Variants in BTRC observed in about 807,000 individuals in gnomAD.
BTRC encodes the protein F-box/WD repeat-containing protein 1A.
In BTRC, 42 loss-of-function variants were observed where a neutral mutation model predicts 85.5. The observed-to-expected ratio is 0.49, with a 90% CI of 0.38 to 0.64. The LOEUF (loss-of-function observed/expected upper bound fraction) is 0.64. Ranked by LOEUF, BTRC falls within the 30% of genes least tolerant of loss-of-function variation. BTRC has a pLI of 0.00. For missense variants in BTRC, 594 were observed against 743.5 expected (o/e 0.80, Z 2.34); for synonymous variants, 255 against 263.3 (o/e 0.97, Z 0.30).
chr10:101,551,632 A>C (rs1341201965), intron 14 of BTRC, among the ~76,000 whole-genome samples: 1 of 152,232 alleles, frequency 6.6e-6, no homozygotes, highest in Non-Finnish European at 1.5e-5. Flanking sequence ...CGTTGCTGTC[A>C]GGATTTGCCA....
At chr10:101,382,346 A>C (rs79002608) in intron 1 of BTRC, among the ~76,000 whole-genome samples, 3,392 of 152,124 alleles carry the variant, frequency 0.022, 54 homozygotes, top group South Asian at 0.056. Flanking sequence ...TATATATAAT[A>C]TCTCTTTAGT....
intron 1 of BTRC, among the ~76,000 whole-genome samples, chr10:101,421,687 T>C (rs1465572278): frequency 6.9e-6 from 1 of 144,900 alleles, no homozygotes; most frequent in African/African-American, 2.6e-5. Context: ...GTGTTTTCAT[T>C]GTTCAATTCC....
chr10:101,364,378 A>G (rs569287534), intron 1 of BTRC, among the ~76,000 whole-genome samples: 4 of 152,328 alleles, frequency 2.6e-5, no homozygotes, highest in South Asian at 2.1e-4. Flanking sequence ...CTATTCTTCT[A>G]TCTTTGGGAC....
chr10:101,534,555 G>A (rs953256949), intron 9 of BTRC, 106 bp from the exon 10 acceptor site: 4 of 1,424,120 alleles, frequency 2.8e-6, no homozygotes, highest in African/African-American at 1.4e-5. Context: ...CACTCTCCCA[G>A]TCTGGCCCTC....
chr10:101,444,984 A>G (rs1489869719), intron 2 of BTRC, among the ~76,000 whole-genome samples: 1 of 152,218 alleles, frequency 6.6e-6, no homozygotes, highest in Non-Finnish European at 1.5e-5. Flanking sequence ...CATTTGAAAG[A>G]TATTACACAA....
intron 2 of BTRC, among the ~76,000 whole-genome samples, chr10:101,447,164 T>C (rs1309301955): frequency 6.6e-6 from 1 of 152,176 alleles, no homozygotes; most frequent in African/African-American, 2.4e-5. Context: ...GGTCATTTAA[T>C]TATCCATTAT....
At chr10:101,482,380 T>C (rs1945857882) in intron 4 of BTRC, among the ~76,000 whole-genome samples, 2 of 146,442 alleles carry the variant, frequency 1.4e-5, no homozygotes, top group Admixed American at 1.4e-4. Flanking sequence ...GTTTCTTTTT[T>C]GTTTGTTTGT....
At chr10:101,496,534 G>C (rs1373620614) in intron 4 of BTRC, among the ~76,000 whole-genome samples, 3 of 152,070 alleles carry the variant, frequency 2.0e-5, no homozygotes, top group African/African-American at 7.2e-5. Context: ...TCTTGCCTCA[G>C]CCTCCCAAAG....
At chr10:101,442,581 T>C (rs1944716529) in intron 2 of BTRC, among the ~76,000 whole-genome samples, 1 of 152,186 alleles carries the variant, frequency 6.6e-6, no homozygotes, top group Non-Finnish European at 1.5e-5. Context: ...GCATAAAGTT[T>C]TTAAGTACTA....
At chr10:101,438,351 G>C (rs1274848255) in intron 2 of BTRC, among the ~76,000 whole-genome samples, 3 of 142,184 alleles carry the variant, frequency 2.1e-5, no homozygotes, top group Non-Finnish European at 4.5e-5. Flanking sequence ...CATGAACCCG[G>C]GAGGCAGAGC....
At chr10:101,406,329 A>G (rs1413668615) in intron 1 of BTRC, among the ~76,000 whole-genome samples, 1 of 151,518 alleles carries the variant, frequency 6.6e-6, no homozygotes, top group Non-Finnish European at 1.5e-5. Context: ...GGCGCCCGCC[A>G]CTACGCCCGG....
At chr10:101,363,735 A>G (rs979623913) in intron 1 of BTRC, among the ~76,000 whole-genome samples, 3 of 152,152 alleles carry the variant, frequency 2.0e-5, no homozygotes, top group Admixed American at 6.6e-5. Flanking sequence ...AGAAAGCTTC[A>G]TATTAGATCT....
rs2062358298 is a variant in BTRC at position 101,534,732 on chromosome 10, G to A, written c.1169G>A (p.Arg390His). 9.9e-6 allele frequency: 16 copies of A among 1,614,170 alleles called. No individual in the cohort carries two copies. Among genetic ancestry groups the A allele is most frequent in the South Asian group, 2.2e-5 (2 of 91,086 alleles). The change falls in exon 10 of 15, where the codon CGT (arginine) becomes CAT (histidine). Residue 390 changes from arginine (R) to histidine (H), a missense_variant. Physicochemically the swap from Arg to His is conservative, Grantham distance 29. Around this residue, in one of 4 missense-constraint regions of BTRC, gnomAD observed 373 missense variants for 503.6 expected, o/e 0.74. Coordinates refer to ENST00000370187, the MANE Select transcript of BTRC (RefSeq NM_033637.4). Reference protein sequence around the residue: ...IHHCEAVLHLRFNNGMMVTCS... With the variant: ...IHHCEAVLHLHFNNGMMVTCS... ...CATTGTGAAGCAGTTCTGCACTTGC[G>A]TTTCAATAATGGCATGATGGTGACC...
At chr10:101,370,545 A>G (rs1564732766) in intron 1 of BTRC, among the ~76,000 whole-genome samples, 1 of 152,056 alleles carries the variant, frequency 6.6e-6, no homozygotes, top group Non-Finnish European at 1.5e-5. Context: ...CAAGATTTTC[A>G]ATTTTTAAAT....
intron 1 of BTRC, among the ~76,000 whole-genome samples, chr10:101,367,280 G>T (rs964520776): frequency 6.6e-6 from 1 of 150,642 alleles, no homozygotes; most frequent in African/African-American, 2.4e-5. Flanking sequence ...ATGTTGGCCA[G>T]GATGGTCTCT....
intron 1 of BTRC, among the ~76,000 whole-genome samples, chr10:101,361,112 A>AT (rs201606101): frequency 4.9e-4 from 72 of 147,434 alleles, no homozygotes; most frequent in South Asian, 8.6e-4. Flanking sequence ...AGCTTTAGCA[A>AT]TTTTTTTTTT....
At chr10:101,539,401 A>G (rs531496571) in intron 13 of BTRC, among the ~76,000 whole-genome samples, 30 of 152,292 alleles carry the variant, frequency 2.0e-4, no homozygotes, top group African/African-American at 7.0e-4. Context: ...GGCTCTGGAG[A>G]AGAGAAAGAG....
rs138266519 is a variant in BTRC, at chr10:101,371,923, A to G, written c.48+17695A>G. On this transcript the variant is annotated intron_variant, in intron 1 of 14. Transcript: ENST00000370187. ...ACCTCACACATGAGGCTGAAAACCC[A>G]ATCGTCATGCTTACAAACTACAAAA... Among the ~76,000 whole-genome samples the G allele has an allele frequency of 5.3e-5, 8 of 152,252 alleles. No homozygotes were observed. In the East Asian group the frequency reaches 1.5e-3, roughly 29 times the overall value.
rs563980524 is a variant in BTRC, at chr10:101,409,768, T to C, written c.49-20577T>C. Among the ~76,000 whole-genome samples the C allele has an allele frequency of 3.3e-5, 5 of 152,364 alleles. No individual in the cohort carries two copies. The South Asian group carries it at 8.3e-4, about 25-fold the overall frequency. On this transcript the variant is annotated intron_variant, in intron 1 of 14. Coordinates refer to ENST00000370187, the MANE Select transcript of BTRC (RefSeq NM_033637.4). ...GTTCATTGTTGACTAAAAATGTCATTGTGCAGTGCGTGAGTTACCAGAATT... is the reference window on the plus strand; with the variant it reads ...GTTCATTGTTGACTAAAAATGTCATCGTGCAGTGCGTGAGTTACCAGAATT...
Sources: gnomAD v4.1 joint callset for allele counts (sites outside exome capture counted in the v4.1 genomes callset) on GRCh38, gnomAD v4.1.1 for gene constraint, gnomAD v4.1.1 regional missense constraint, MANE v1.5 for transcripts, NCBI Gene and HGNC (gene_info 2026-07-23, HGNC 2026-07-21) for gene names.